CROCC2: variants seen among roughly 807,000 people sequenced by gnomAD.
CROCC2 encodes the protein ciliary rootlet coiled-coil protein 2.
Under a neutral mutation model 177.6 loss-of-function variants are expected in CROCC2, and 163 were observed. The observed-to-expected ratio is 0.92, with a 90% confidence interval of 0.81 to 1.05. CROCC2 has a LOEUF of 1.05. Ranked by LOEUF, CROCC2 falls within the 50% of genes least tolerant of loss-of-function variation. The pLI is 0.00. For missense variants in CROCC2, 1,929 were observed against 1,797.8 expected (o/e 1.07, Z -1.32); for synonymous variants, 904 against 787.3 (o/e 1.15, Z -2.48).
At chr2:240,967,868 A>G (rs940017455) in intron 26 of CROCC2, among the ~76,000 whole-genome samples, 2 of 150,162 alleles carry the variant, frequency 1.3e-5, no homozygotes, top group African/African-American at 4.9e-5. Flanking sequence ...ACCCCCTCAG[A>G]GAGGCCCCTT....
intron 7 of CROCC2, among the ~76,000 whole-genome samples, chr2:240,932,105 G>A (rs2059435259): frequency 6.6e-6 from 1 of 152,210 alleles, no homozygotes; most frequent in African/African-American, 2.4e-5. Flanking sequence ...TCAGGGTGTG[G>A]GCCTTGACTC....
intron 11 of CROCC2, 72 bp from the exon 12 acceptor site, chr2:240,934,259 C>T (rs1235174968): frequency 1.3e-6 from 2 of 1,500,826 alleles, no homozygotes; most frequent in African/African-American, 2.8e-5. Context: ...CAGGTGGTCG[C>T]CTGCCTGAAA....
intron 30 of CROCC2, among the ~76,000 whole-genome samples, chr2:240,990,831 G>A (rs1466443930): frequency 1.3e-5 from 2 of 152,170 alleles, no homozygotes; most frequent in East Asian, 3.9e-4. Flanking sequence ...TGATCCTGAT[G>A]CCCAAGGCCC....
chr2:240,958,050 C>G lies in CROCC2; in HGVS notation c.2944-1251C>G. ...CGGACTCGGTACCAGGCCTGCCAGCCAGCCGGCCTTCCTGGGGAGCTCGTT... is the reference window on the plus strand; with the variant it reads ...CGGACTCGGTACCAGGCCTGCCAGCGAGCCGGCCTTCCTGGGGAGCTCGTT... On this transcript the variant is annotated intron_variant, in intron 19 of 31. Coordinates refer to ENST00000690015, the MANE Select transcript of CROCC2 (RefSeq NM_001351305.2). The surrounding 1 kb of genome is among the most constrained non-coding windows in gnomAD (Gnocchi z 6.7). 2.0e-6 allele frequency: 2 copies of G among 985,420 alleles called. No individual in the cohort carries two copies. The highest frequency in any genetic ancestry group is 2.4e-6 in the Non-Finnish European group (2 of 829,926). The allele number at this position is 985,420 out of a possible 1,614,324, so 61.0% of individuals were successfully genotyped here.
At chr2:240,906,775 A>G (rs559136994) in intron 1 of CROCC2, among the ~76,000 whole-genome samples, 184 bp downstream of exon 1, 1 of 152,346 alleles carries the variant, frequency 6.6e-6, no homozygotes, top group Non-Finnish European at 1.5e-5. Context: ...GCGCGCCTGC[A>G]TGCACACACA....
chr2:240,987,874 C>T (rs2059850961), intron 28 of CROCC2, among the ~76,000 whole-genome samples: 1 of 152,256 alleles, frequency 6.6e-6, no homozygotes, highest in Non-Finnish European at 1.5e-5. Flanking sequence ...CAGCGCCTGC[C>T]TGGCCCAATG....
chr2:240,991,932 T>C (rs1020852772), intron 31 of CROCC2, among the ~76,000 whole-genome samples: 4 of 152,222 alleles, frequency 2.6e-5, no homozygotes, highest in African/African-American at 9.6e-5. Flanking sequence ...ATCCAGGAAC[T>C]GCGGCCGTCA....
intron 26 of CROCC2, among the ~76,000 whole-genome samples, chr2:240,967,907 C>T (rs570130677): frequency 2.6e-5 from 4 of 152,088 alleles, no homozygotes; most frequent in Admixed American, 1.3e-4. Flanking sequence ...CTCACACTCA[C>T]GAGTTTCTCT....
Position 240,965,729 on chromosome 2 carries a change from G to A in CROCC2, c.3697G>A (p.Ala1233Thr), listed in dbSNP as rs773453809. Residue 1233 changes from alanine (A) to threonine (T), a missense_variant, in exon 24 of 32, where the codon GCT (alanine) becomes ACT (threonine). By Grantham distance (58) the Ala-to-Thr change is moderately conservative. Transcript: ENST00000690015. ...LQEHLRESRG[A>T]EQTLRAELHS... ...GGAGCACCTCCGTGAGAGCCGGGGG[G>A]CTGAGCAGACCCTCCGAGCAGAGCT... 9.1e-5 allele frequency: 141 copies of A among 1,544,596 alleles called. No individual in the cohort carries two copies. In the Middle Eastern group the frequency reaches 3.4e-3, roughly 37 times the overall value.
chr2:240,927,560 C>A (rs2059402358), intron 5 of CROCC2, among the ~76,000 whole-genome samples: 1 of 152,184 alleles, frequency 6.6e-6, no homozygotes, highest in South Asian at 2.1e-4. Context: ...AATTTGCCTA[C>A]TTAGCTTAAA....
At chr2:240,974,530 T>C (rs11692370) in intron 27 of CROCC2, among the ~76,000 whole-genome samples, 101,759 of 140,862 alleles carry the variant, frequency 0.72, 37,842 homozygotes, top group East Asian at 0.92. Context: ...TCTTTCTTTT[T>C]TTTCTTTTTT....
In CROCC2 at chr2:240,950,418, G is replaced by A; in HGVS notation, c.2737G>A (p.Ala913Thr). The A allele has an allele frequency of 1.3e-6, 2 of 1,550,358 alleles. No homozygotes were observed. Among genetic ancestry groups the A allele is most frequent in the Non-Finnish European group, 1.7e-6 (2 of 1,146,850 alleles). The part of the protein sequence containing the change: ...EQEKELVTKS[A>T]AEREALKGEI... ...GGAGAAGGAGCTGGTGACAAAAAGT[G>A]CAGCTGAGAGGGAGGCTCTGAAGGG... The change falls in exon 18 of 32, where the codon GCA becomes ACA. Residue 913 changes from alanine to threonine, a missense_variant. Ala to Thr is a moderately conservative substitution (Grantham distance 58). Around this residue, in one of 3 missense-constraint regions of CROCC2, gnomAD observed 1,397 missense variants for 1,239.9 expected, o/e 1.13. Coordinates refer to ENST00000690015, the MANE Select transcript of CROCC2 (RefSeq NM_001351305.2).
At chr2:240,927,943 G>T (rs1290028527) in intron 5 of CROCC2, among the ~76,000 whole-genome samples, 1 of 152,202 alleles carries the variant, frequency 6.6e-6, no homozygotes, top group Non-Finnish European at 1.5e-5. Flanking sequence ...GAGCCACCTC[G>T]CCTGGCTTCT....
In CROCC2 at chr2:240,944,596, AT is replaced by A. The variant is rs554087808; in HGVS notation, c.2170-1454del. On this transcript the variant is annotated intron_variant, in intron 14 of 31. Coordinates refer to ENST00000690015, the MANE Select transcript of CROCC2 (RefSeq NM_001351305.2). ...CTGTCTAATCTGCCATTGTCTATTA[AT>A]TTTTTTTTTACTTTTGGTTATTATA... is the stretch of plus-strand genomic sequence containing the variant. 6.8e-3 allele frequency among the ~76,000 whole-genome samples: 1,003 copies of A among 147,608 alleles called. 11 individuals are homozygous for A. Among genetic ancestry groups the A allele is most frequent in the African/African-American group, 0.023 (915 of 40,256 alleles).
At position 240,918,735 on chromosome 2, in the gene CROCC2, G is replaced by A; in HGVS notation, c.88G>A (p.Asp30Asn). ...GLDTVIQRLE[D>N]TILSPTASRE... The stretch of plus-strand genomic sequence containing the variant: ...TGGGGGTGTCTTTCAGAGACTGGAG[G>A]ACACCATCCTGAGTCCCACAGCCAG... The change falls in exon 2 of 32, where the codon GAC (aspartate) becomes AAC (asparagine). Residue 30 changes from aspartate to asparagine, a missense_variant. Physicochemically the swap from Asp to Asn is conservative, Grantham distance 23 (BLOSUM62 1). This residue lies in a region of CROCC2 where 1,397 missense variants were observed against 1,239.9 expected (regional missense o/e 1.13). Coordinates refer to ENST00000690015, the MANE Select transcript of CROCC2 (RefSeq NM_001351305.2). The surrounding 1 kb of genome is among the most constrained non-coding windows in gnomAD (Gnocchi z 6.3). The A allele has an allele frequency of 1.7e-6, 1 of 571,980 alleles. No individual in the cohort carries two copies. Among genetic ancestry groups the A allele is most frequent in the Non-Finnish European group, 3.2e-6 (1 of 315,956 alleles). The allele number at this position is 571,980 out of a possible 1,614,324, so 35.4% of individuals were successfully genotyped here.
intron 19 of CROCC2, 100 bp downstream of exon 19, chr2:240,956,072 C>A: frequency 1.2e-6 from 1 of 830,046 alleles, no homozygotes; most frequent in Non-Finnish European, 1.9e-6. Flanking sequence ...TGACCCTCTC[C>A]ATCCCCTCCC....
chr2:240,963,598 C>A lies in CROCC2; in HGVS notation c.3130C>A (p.Leu1044Met), dbSNP rs1405558942. 5 of 1,547,298 alleles carry A rather than the reference C, an allele frequency of 3.2e-6. No homozygotes were observed. The highest frequency in any genetic ancestry group is 2.0e-5 in the Admixed American group (1 of 50,898). Residue 1044 changes from leucine to methionine, a missense_variant, in exon 21 of 32, where the codon CTG becomes ATG. Coordinates refer to ENST00000690015, the MANE Select transcript of CROCC2 (RefSeq NM_001351305.2). Reference protein sequence around the residue: ...RAQLTVAQEGLAALRQELQGV... With the variant: ...RAQLTVAQEGMAALRQELQGV... ...ACAGCTGACCGTGGCCCAGGAGGGACTGGCCGCACTGCGCCAGGAGCTGCA... is the reference window on the plus strand; with the variant it reads ...ACAGCTGACCGTGGCCCAGGAGGGAATGGCCGCACTGCGCCAGGAGCTGCA...
At chr2:240,940,736 C>T (rs1040732195) in intron 14 of CROCC2, among the ~76,000 whole-genome samples, 1 of 152,130 alleles carries the variant, frequency 6.6e-6, no homozygotes, top group African/African-American at 2.4e-5. Flanking sequence ...CCATAGCCAA[C>T]ATTACAGTGA....
rs867838604 is a variant in CROCC2 at position 240,955,884 on chromosome 2, G to A, written c.2855G>A (p.Arg952Gln). 6.4e-5 allele frequency: 99 copies of A among 1,535,040 alleles called. 1 individual carries two copies. The Admixed American group carries it at 1.2e-3, about 19-fold the overall frequency. Residue 952 changes from arginine to glutamine, a missense_variant, in exon 19 of 32, where the codon CGG (arginine) becomes CAG (glutamine). Coordinates refer to ENST00000690015, the MANE Select transcript of CROCC2 (RefSeq NM_001351305.2). ...GCCCTGTCCCTGAAAGAAACAGAGC[G>A]GAGCCTTCTGAGTGAGGAGCTCTCC... ...QQALSLKETE[R>Q]SLLSEELSRA...
Sources: gnomAD v4.1 joint callset for allele counts (sites outside exome capture counted in the v4.1 genomes callset) on GRCh38, gnomAD v4.1.1 for gene constraint, gnomAD v4.1.1 regional missense constraint, Gnocchi (gnomAD v3.1) non-coding constraint, MANE v1.5 for transcripts, NCBI Gene and HGNC (gene_info 2026-07-23, HGNC 2026-07-21) for gene names.